The following RS1 variants were observed in gnomAD, a reference collection of about 807,000 sequenced individuals.
RS1 encodes the protein retinoschisin 1, also known as retinoschisin.
RS1 carries 2 observed loss-of-function variants against 20.8 expected under a neutral mutation model. The observed-to-expected ratio is 0.10, with a 90% confidence interval of 0.04 to 0.30. The LOEUF (loss-of-function observed/expected upper bound fraction) is 0.30, where lower values mean the gene tolerates loss of function less well. Among genes scored for constraint, RS1 ranks in the 10% least tolerant of loss-of-function variants. The probability of loss-of-function intolerance (pLI) is 1.00; values close to 1 mark genes in which losing one functional copy is unlikely to be tolerated. For missense variants in RS1, 151 were observed against 189.8 expected, an observed-to-expected ratio of 0.80 and a Z score of 1.20; for synonymous variants, 70 against 75.8, an observed-to-expected ratio of 0.92 and a Z score of 0.40.
chrX:18,657,807 A>G, intron 1 of RS1, 142 bp from the exon 2 acceptor site: 1 of 518,478 alleles, frequency 1.9e-6, no homozygotes, highest in Non-Finnish European at 3.4e-6. Flanking sequence ...TGGTGAGTAA[A>G]TATCTGCCAG....
At chrX:18,646,406 C>T (rs1569229836) in intron 4 of RS1, among the ~76,000 whole-genome samples, 2 of 112,423 alleles carry the variant, frequency 1.8e-5, no homozygotes, top group East Asian at 2.8e-4. Flanking sequence ...TGCCCCCCCT[C>T]GGCCTCCCAA....
intron 1 of RS1, among the ~76,000 whole-genome samples, chrX:18,664,791 T>G (rs1928376751): frequency 9.0e-6 from 1 of 111,328 alleles, no homozygotes; most frequent in African/African-American, 3.3e-5. Flanking sequence ...CTCACCTCAC[T>G]GCAGCCTCGA....
At chrX:18,651,421 C>T (rs1928043849) in intron 3 of RS1, among the ~76,000 whole-genome samples, 1 of 111,196 alleles carries the variant, frequency 9.0e-6, no homozygotes, top group Non-Finnish European at 1.9e-5. Context: ...GAGGTCACAG[C>T]CCCAGCTAAA....
rs62641252 is a variant in RS1 at position 18,647,294 on chromosome X, C to T, written c.223G>A (p.Glu75Lys). 4.1e-6 allele frequency: 5 copies of T among 1,208,974 alleles called. No homozygotes were observed. The East Asian group carries it at 1.5e-4, about 36-fold the overall frequency. Reference protein sequence around the residue: ...YHKPLGFESGEVTPDQITCSN... With the variant: ...YHKPLGFESGKVTPDQITCSN... ...CAGGTGATCTGGTCCGGTGTGACCT[C>T]CCCTGACTCGAAACCCAGAGGCTTG... The change falls in exon 4 of 6, where the codon GAG becomes AAG. Residue 75 changes from glutamate (E) to lysine (K), a missense_variant. Coordinates refer to ENST00000379984, the MANE Select transcript of RS1 (RefSeq NM_000330.4).
At chrX:18,656,126 G>A (rs1928211035) in intron 3 of RS1, among the ~76,000 whole-genome samples, 1 of 107,551 alleles carries the variant, frequency 9.3e-6, no homozygotes, top group Non-Finnish European at 1.9e-5. Context: ...TGAATAGCTG[G>A]GACCACAGGT....
At chrX:18,642,214 G>T in intron 5 of RS1, 58 bp from the exon 6 acceptor site, 1 of 1,124,987 alleles carries the variant, frequency 8.9e-7, no homozygotes, top group Non-Finnish European at 1.2e-6. Flanking sequence ...AGGAAGAAGG[G>T]TTCCTTTCTG....
chrX:18,651,264 T>TGTGTGTGTGTGAGA (rs1491242962), intron 3 of RS1, among the ~76,000 whole-genome samples: 8 of 69,008 alleles, frequency 1.2e-4, no homozygotes, highest in Middle Eastern at 8.0e-3. Flanking sequence ...TGTGTGTGTG[T>TGTGTGTGTGTGAGA]GAGAGAGAGA....
In RS1 at chrX:18,641,923, A is replaced by G; in HGVS notation, c.*81T>C. 1 of 1,051,628 alleles carries G rather than the reference A, an allele frequency of 9.5e-7. No homozygotes were observed. The highest frequency in any genetic ancestry group is 1.3e-6 in the Non-Finnish European group (1 of 757,378). The allele number at this position is 1,051,628 out of a possible 1,213,427, so 86.7% of individuals were successfully genotyped here. A position where few individuals can be genotyped will look rare whatever the true frequency, so the allele number is the denominator to read the frequency against. The stretch of plus-strand genomic sequence containing the variant: ...TGCTTTGCGAAATATAGCCCTGTCC[A>G]TCTCGGTGGTGTGTGAGGGGGTCCC... On this transcript the variant is annotated 3_prime_UTR_variant, in exon 6 of 6. Transcript: ENST00000379984.
chrX:18,647,143 TA>T (rs1394632169), intron 4 of RS1, 47 bp downstream of exon 4: 1 of 1,192,459 alleles, frequency 8.4e-7, no homozygotes, highest in East Asian at 3.0e-5. Flanking sequence ...TAGAGAGGCC[TA>T]TTTTTTTTTA....
chrX:18,641,973 C>A lies in RS1; in HGVS notation c.*31G>T. 1 of 1,206,452 alleles carries A rather than the reference C, an allele frequency of 8.3e-7. No individual in the cohort carries two copies. The highest frequency in any genetic ancestry group is 1.1e-6 in the Non-Finnish European group (1 of 892,259). On this transcript the variant is annotated 3_prime_UTR_variant, in exon 6 of 6. Transcript: ENST00000379984. ...CCTACGGCCCGCTCTGTGCCAGTCA[C>A]CCCCTGGCAGGCGCCGAGCTGAGGC...
At chrX:18,657,744 T>A in intron 1 of RS1, 79 bp from the exon 2 acceptor site, 4 of 841,989 alleles carry the variant, frequency 4.8e-6, no homozygotes, top group Non-Finnish European at 7.1e-6. Context: ...CATGGAAAAG[T>A]GAAATAGAAA....
At chrX:18,669,543 C>T (rs985342976) in intron 1 of RS1, among the ~76,000 whole-genome samples, 7 of 106,819 alleles carry the variant, frequency 6.6e-5, no homozygotes, top group African/African-American at 2.4e-4. Context: ...GTGTGCTCTC[C>T]GAAATGAACC....
intron 5 of RS1, 91 bp from the exon 6 acceptor site, chrX:18,642,247 A>G: frequency 1.0e-6 from 1 of 996,738 alleles, no homozygotes; most frequent in African/African-American, 1.9e-5. Context: ...ACTTTTAACT[A>G]TAGAAATGAT....
intron 3 of RS1, among the ~76,000 whole-genome samples, chrX:18,654,149 CTT>C (rs1186729210): frequency 1.8e-4 from 17 of 92,495 alleles, no homozygotes; most frequent in East Asian, 3.4e-4. Context: ...TTCTCTCTCT[CTT>C]TTTTTTTTTT....
chrX:18,665,811 G>A (rs1233267935), intron 1 of RS1, among the ~76,000 whole-genome samples: 17 of 102,751 alleles, frequency 1.7e-4, no homozygotes, highest in Admixed American at 1.7e-3. Flanking sequence ...AGGATCATGA[G>A]AGTTGGAGGC....
rs182959603 is a variant in RS1 at position 18,659,132 on chromosome X, A to G, written c.53-1467T>C. Among the ~76,000 whole-genome samples the G allele has an allele frequency of 3.5e-3, 397 of 111,850 alleles. 2 individuals carry two copies. Among genetic ancestry groups the G allele is most frequent in the Middle Eastern group, 0.028 (6 of 218 alleles). ...GCAGAAACTGATGGTTTAAAGCTTC[A>G]CAGTCCAATGTAGTCATGACTAGTC... On this transcript the variant is annotated intron_variant, in intron 1 of 5. Transcript: ENST00000379984.
At chrX:18,647,850 A>G (rs1927850613) in intron 3 of RS1, among the ~76,000 whole-genome samples, 1 of 110,197 alleles carries the variant, frequency 9.1e-6, no homozygotes, top group Non-Finnish European at 1.9e-5. Flanking sequence ...GATATAGAGA[A>G]TGACTTCCTA....
In RS1 at chrX:18,641,835, T is replaced by C. The variant is rs1259648822; in HGVS notation, c.*169A>G. The C allele has an allele frequency of 4.3e-6, 2 of 464,645 alleles. No individual in the cohort carries two copies. The highest frequency in any genetic ancestry group is 7.2e-6 in the Non-Finnish European group (2 of 277,233). The allele number at this position is 464,645 out of a possible 1,213,427, so 38.3% of individuals were successfully genotyped here. On this transcript the variant is annotated 3_prime_UTR_variant, in exon 6 of 6. Coordinates refer to ENST00000379984, the MANE Select transcript of RS1 (RefSeq NM_000330.4). ...GGGGAATAAGTTCATTTTTATTTCATTGAAATCAGAAAGCTATATCTTAAA... is the reference window on the plus strand; with the variant it reads ...GGGGAATAAGTTCATTTTTATTTCACTGAAATCAGAAAGCTATATCTTAAA...
chrX:18,646,884 A>G (rs1927795197), intron 4 of RS1, among the ~76,000 whole-genome samples: 1 of 111,515 alleles, frequency 9.0e-6, no homozygotes, highest in Non-Finnish European at 1.9e-5. Flanking sequence ...ACTCATAAGT[A>G]CATTCTGTGT....
Sources: gnomAD v4.1 joint callset for allele counts (sites outside exome capture counted in the v4.1 genomes callset) on GRCh38, gnomAD v4.1.1 for gene constraint, MANE v1.5 for transcripts, NCBI Gene and HGNC (gene_info 2026-07-23, HGNC 2026-07-21) for gene names.